Variants in WWOX observed in about 807,000 individuals in gnomAD.
The protein encoded by WWOX is WW domain-containing oxidoreductase.
In WWOX, 69 loss-of-function variants were observed where a neutral mutation model predicts 46.2. That is an observed-to-expected ratio of 1.49 (90% CI 1.23 to 1.82). The LOEUF (loss-of-function observed/expected upper bound fraction) is 1.82, where lower values mean the gene tolerates loss of function less well. WWOX is among the 40% of genes most tolerant of loss of function. WWOX has a pLI of 0.00. For synonymous variants in WWOX, 359 were observed against 202.6 expected (o/e 1.77, Z -6.56); for missense variants, 919 against 542.6 (o/e 1.69, Z -6.89).
At chr16:78,927,187 G>T (rs924570264) in intron 8 of WWOX, among the ~76,000 whole-genome samples, 1 of 152,214 alleles carries the variant, frequency 6.6e-6, no homozygotes, top group African/African-American at 2.4e-5. Flanking sequence ...TTTGAGGAGA[G>T]AATGAGGTAT....
At chr16:78,403,842 T>A (rs536787493) in intron 6 of WWOX, among the ~76,000 whole-genome samples, 8 of 152,332 alleles carry the variant, frequency 5.3e-5, no homozygotes, top group African/African-American at 1.9e-4. Context: ...ACTTTTGACT[T>A]CTTAGCCATG....
chr16:78,196,693 A>G (rs2036063873), intron 5 of WWOX, among the ~76,000 whole-genome samples: 1 of 152,188 alleles, frequency 6.6e-6, no homozygotes, highest in Non-Finnish European at 1.5e-5. Flanking sequence ...AATGTCAAAT[A>G]ATAGCATTAG....
intron 8 of WWOX, among the ~76,000 whole-genome samples, chr16:78,946,090 A>C (rs1040088178): frequency 7.2e-5 from 11 of 152,324 alleles, no homozygotes; most frequent in African/African-American, 2.6e-4. Context: ...TTCTTAAATA[A>C]GGTGGTTGTT....
At chr16:78,297,127 C>T (rs996003789) in intron 5 of WWOX, among the ~76,000 whole-genome samples, 22 of 152,082 alleles carry the variant, frequency 1.4e-4, no homozygotes, top group Admixed American at 1.4e-3. Flanking sequence ...CCTCTGGGTT[C>T]GTTTGGTATC....
chr16:78,679,032 G>A (rs991079338), intron 8 of WWOX, among the ~76,000 whole-genome samples: 1 of 152,196 alleles, frequency 6.6e-6, no homozygotes, highest in East Asian at 1.9e-4. Context: ...GCAGGGAAGG[G>A]GGCAATTGCC....
At chr16:78,404,268 G>C (rs1306529019) in intron 6 of WWOX, among the ~76,000 whole-genome samples, 1 of 152,148 alleles carries the variant, frequency 6.6e-6, no homozygotes, top group African/African-American at 2.4e-5. Context: ...GATTTCACCA[G>C]TGGTATCTTA....
chr16:78,817,563 C>G (rs528477696), intron 8 of WWOX, among the ~76,000 whole-genome samples: 2 of 152,258 alleles, frequency 1.3e-5, no homozygotes, highest in Non-Finnish European at 2.9e-5. Flanking sequence ...CGAACCCATG[C>G]CAAGTTGGCT....
chr16:78,160,610 G>A (rs117378087), intron 4 of WWOX, among the ~76,000 whole-genome samples: 27 of 152,154 alleles, frequency 1.8e-4, no homozygotes, highest in Non-Finnish European at 3.8e-4. Flanking sequence ...GAATTTTCTG[G>A]GATCTTGTTA....
intron 5 of WWOX, among the ~76,000 whole-genome samples, chr16:78,293,413 C>T (rs2079889931): frequency 1.3e-5 from 2 of 152,142 alleles, no homozygotes; most frequent in South Asian, 4.2e-4. Context: ...TTCTGTATCC[C>T]CTGGGATAAC....
At position 79,075,856 on chromosome 16, in the gene WWOX, AC is replaced by A. The variant is rs1430381379; in HGVS notation, c.1057-135751del. ...CTTCCCTTATAACTATCTCAAAAAA[AC>A]ATATTAAGTTATTTTTCAGAATTAT... is the stretch of plus-strand genomic sequence containing the variant. On this transcript the variant is annotated intron_variant, in intron 8 of 8. Transcript: ENST00000566780. 5.9e-5 allele frequency among the ~76,000 whole-genome samples: 9 copies of A among 151,958 alleles called. No homozygotes were observed. The South Asian group carries it at 1.5e-3, about 25-fold the overall frequency.
rs1394153851 is a variant in WWOX at position 78,099,710 on chromosome 16, G to C, written c.-69G>C. ...ACGCGCGCGGGTCTCGTTTGGAGCG[G>C]GAGTGAGTTCCTGAGCGAGTGGACC... On this transcript the variant is annotated 5_prime_UTR_variant, in exon 1 of 9. Transcript: ENST00000566780. The C allele has an allele frequency of 6.7e-7, 1 of 1,485,942 alleles. No individual in the cohort carries two copies. The highest frequency in any genetic ancestry group is 1.4e-5 in the African/African-American group (1 of 69,910). The allele number at this position is 1,485,942 out of a possible 1,614,324, so 92.0% of individuals were successfully genotyped here. A position where few individuals can be genotyped will look rare whatever the true frequency, so the allele number is the denominator to read the frequency against.
At chr16:78,361,776 T>A (rs2081414871) in intron 5 of WWOX, among the ~76,000 whole-genome samples, 1 of 152,026 alleles carries the variant, frequency 6.6e-6, no homozygotes, top group South Asian at 2.1e-4. Context: ...CATGCCCAGC[T>A]AATTTTTATA....
intron 8 of WWOX, among the ~76,000 whole-genome samples, chr16:78,930,815 C>T (rs1011064261): frequency 6.6e-6 from 1 of 152,104 alleles, no homozygotes; most frequent in Non-Finnish European, 1.5e-5. Flanking sequence ...TGAGTACCCG[C>T]TGTTCATAGG....
At chr16:78,586,059 C>G (rs1392729404) in intron 8 of WWOX, among the ~76,000 whole-genome samples, 1 of 151,954 alleles carries the variant, frequency 6.6e-6, no homozygotes, top group African/African-American at 2.4e-5. Flanking sequence ...AACAAACAAA[C>G]AGACAAACAA....
rs71137883 is a variant in WWOX, at chr16:78,269,914, GT to G, written c.516+105643del. ...AGGAAACATATCTATACATAAGGAA[GT>G]TTTTTTTTTTTTTTTTTACTTTCAC... On this transcript the variant is annotated intron_variant, in intron 5 of 8. Transcript: ENST00000566780. Among the ~76,000 whole-genome samples, 426 of 125,622 alleles carry G rather than the reference GT, an allele frequency of 3.4e-3. 3 individuals carry two copies. The highest frequency in any genetic ancestry group is 4.7e-3 in the Middle Eastern group (1 of 212). The allele number at this position is 125,622 out of a possible 152,430, so 82.4% of individuals were successfully genotyped here.
intron 8 of WWOX, among the ~76,000 whole-genome samples, chr16:78,844,675 C>G (rs772546257): frequency 6.6e-6 from 1 of 152,160 alleles, no homozygotes; most frequent in South Asian, 2.1e-4. Context: ...TTAAAACATA[C>G]CTTTTTAAAG....
At chr16:78,932,427 A>T (rs1597168503) in intron 8 of WWOX, among the ~76,000 whole-genome samples, 1 of 152,286 alleles carries the variant, frequency 6.6e-6, no homozygotes, top group Admixed American at 6.5e-5. Context: ...GCTGCGTCAG[A>T]GAGTTCTTTT....
At chr16:78,826,457 C>A (rs117179323) in intron 8 of WWOX, among the ~76,000 whole-genome samples, 101 of 152,338 alleles carry the variant, frequency 6.6e-4, no homozygotes, top group Non-Finnish European at 1.1e-3. Context: ...CTGTTCCTTG[C>A]ATCTTTCGTT....
intron 8 of WWOX, among the ~76,000 whole-genome samples, chr16:78,611,871 G>C (rs2045908402): frequency 1.3e-5 from 2 of 152,206 alleles, no homozygotes; most frequent in Non-Finnish European, 2.9e-5. Flanking sequence ...AAGGGGCGTG[G>C]CATTGCTTCT....
Sources: allele counts gnomAD v4.1 joint callset (sites outside exome capture counted in the v4.1 genomes callset), GRCh38; gene constraint gnomAD v4.1.1; transcripts MANE v1.5; gene names NCBI Gene and HGNC (gene_info 2026-07-23, HGNC 2026-07-21).